The following RRBP1 variants were observed in gnomAD, a reference collection of about 807,000 sequenced individuals.
The protein encoded by RRBP1 is ribosome-binding protein 1.
A neutral mutation model predicts 165.2 loss-of-function variants in RRBP1; 94 were observed. That is an observed-to-expected ratio of 0.57 (90% CI 0.48 to 0.68). The LOEUF (loss-of-function observed/expected upper bound fraction) is 0.68, where lower values mean the gene tolerates loss of function less well. Ranked by LOEUF, RRBP1 falls within the 30% of genes least tolerant of loss-of-function variation. The probability of loss-of-function intolerance (pLI) is 0.00; values close to 1 mark genes in which losing one functional copy is unlikely to be tolerated. For missense variants in RRBP1, 1,676 were observed against 1,763.0 expected (o/e 0.95, Z 0.88); for synonymous variants, 680 against 714.5 (o/e 0.95, Z 0.77).
chr20:17,645,900 C>T (rs1353621655), intron 3 of RRBP1, among the ~76,000 whole-genome samples: 3 of 152,166 alleles, frequency 2.0e-5, no homozygotes, highest in Middle Eastern at 3.2e-3. Context: ...CTGCGGCTAA[C>T]GCTTTGCCCA....
chr20:17,681,835 G>A (rs1053801667), intron 1 of RRBP1, among the ~76,000 whole-genome samples, 193 bp downstream of exon 1: 2 of 149,506 alleles, frequency 1.3e-5, no homozygotes, highest in East Asian at 2.0e-4. Flanking sequence ...TACGGCGCTT[G>A]CCCGGCACCC....
intron 2 of RRBP1, among the ~76,000 whole-genome samples, chr20:17,677,826 C>T (rs190174516): frequency 8.5e-4 from 127 of 150,268 alleles, no homozygotes; most frequent in Middle Eastern, 3.5e-3. Context: ...GCAACAAGAG[C>T]GAAACTTTGT....
intron 5 of RRBP1, chr20:17,641,393 C>T (rs757515420): frequency 1.1e-4 from 23 of 206,168 alleles, no homozygotes; most frequent in Non-Finnish European, 1.2e-4. Context: ...GCATAATCCT[C>T]AAGAAAACAA....
chr20:17,648,530 C>T (rs1024269328), intron 3 of RRBP1, among the ~76,000 whole-genome samples: 1 of 152,218 alleles, frequency 6.6e-6, no homozygotes, highest in African/African-American at 2.4e-5. Context: ...CGGTCACATC[C>T]GCAGCTTTAA....
intron 7 of RRBP1, 69 bp downstream of exon 7, chr20:17,635,477 G>A (rs978567172): frequency 9.3e-6 from 11 of 1,184,646 alleles, no homozygotes; most frequent in East Asian, 2.4e-5. Context: ...TGCCCTGGCC[G>A]CAGCCTCGTG....
chr20:17,644,301 T>G (rs1448724622), intron 3 of RRBP1, among the ~76,000 whole-genome samples: 32 of 152,084 alleles, frequency 2.1e-4, no homozygotes, highest in Admixed American at 2.1e-3. Flanking sequence ...AGGTCATGGG[T>G]GCCACGAAAA....
intron 21 of RRBP1, 132 bp from the exon 22 acceptor site, chr20:17,616,141 G>A: frequency 1.4e-6 from 1 of 731,288 alleles, no homozygotes; most frequent in Non-Finnish European, 2.2e-6. Context: ...CCCCTCGTTG[G>A]GGAGAGGGCA....
At position 17,613,968 on chromosome 20, in the gene RRBP1, T is replaced by C. The variant is rs1052038547; in HGVS notation, c.*214A>G. On this transcript the variant is annotated 3_prime_UTR_variant, in exon 25 of 25. Transcript: ENST00000377813. ...CGGTGGCCCGGGGCTGCGCCCAGGA[T>C]AGTGTTTATCAAATGTGACACAGGT... is the stretch of plus-strand genomic sequence containing the variant. 3 of 580,578 alleles carry C rather than the reference T, an allele frequency of 5.2e-6. No homozygotes were observed. The highest frequency in any genetic ancestry group is 9.3e-6 in the Non-Finnish European group (3 of 323,644). The allele number at this position is 580,578 out of a possible 1,614,324, so 36.0% of individuals were successfully genotyped here.
chr20:17,649,682 C>T (rs765893403), intron 3 of RRBP1, among the ~76,000 whole-genome samples: 1 of 152,122 alleles, frequency 6.6e-6, no homozygotes. Flanking sequence ...CCTTGAATAC[C>T]GTTTCCTGGG....
Position 17,660,204 on chromosome 20 carries a change from C to A in RRBP1, c.304G>T (p.Ala102Ser), listed in dbSNP as rs771322515. Residue 102 changes from alanine (A) to serine (S), a missense_variant, in exon 3 of 25, where the codon GCT becomes TCT. This residue lies in a region of RRBP1 where 392 missense variants were observed against 382.5 expected (regional missense o/e 1.02). Coordinates refer to ENST00000377813, the MANE Select transcript of RRBP1 (RefSeq NM_001365613.2). Reference protein sequence around the residue: ...VTVLLREPVRAPAVAVAPTPV... With the variant: ...VTVLLREPVRSPAVAVAPTPV... ...GTTGGAGCCACAGCCACAGCAGGAG[C>A]CCGCACTGGTTCTCGAAGGAGGACA... 3.1e-6 allele frequency: 5 copies of A among 1,613,858 alleles called. No homozygotes were observed. In the East Asian group the frequency reaches 1.1e-4, roughly 36 times the overall value.
chr20:17,671,278 A>C (rs183882549), intron 2 of RRBP1, among the ~76,000 whole-genome samples: 2 of 152,246 alleles, frequency 1.3e-5, no homozygotes, highest in African/African-American at 4.8e-5. Flanking sequence ...GTTTTCTGAG[A>C]TCTCTTCCTG....
At chr20:17,675,945 C>T (rs1428275519) in intron 2 of RRBP1, among the ~76,000 whole-genome samples, 2 of 152,206 alleles carry the variant, frequency 1.3e-5, no homozygotes, top group Admixed American at 1.3e-4. Context: ...TGCTGGCTCA[C>T]GCCTACAATC....
In RRBP1 at chr20:17,629,823, C is replaced by G. The variant is rs199715504; in HGVS notation, c.2749G>C (p.Glu917Gln). Residue 917 changes from glutamate (E) to glutamine (Q), a missense_variant and splice_region_variant, in exon 9 of 25, where the codon GAG becomes CAG. Transcript: ENST00000377813. ...KAQEQQQQMAELHSKLQSSEA... is the reference protein window; with the variant it reads ...KAQEQQQQMAQLHSKLQSSEA... ...CCGGCCCCACTGCCGCCGCCCTTAC[C>G]GGCCATCTGCTGCTGTTGCTCCTGG... The G allele has an allele frequency of 6.3e-7, 1 of 1,596,372 alleles. No homozygotes were observed. The highest frequency in any genetic ancestry group is 8.5e-7 in the Non-Finnish European group (1 of 1,177,992).
intron 3 of RRBP1, among the ~76,000 whole-genome samples, chr20:17,651,626 A>G (rs1330088418): frequency 6.6e-6 from 1 of 152,192 alleles, no homozygotes; most frequent in East Asian, 1.9e-4. Context: ...TGCCCATGTG[A>G]AGAGCACAAT....
At chr20:17,641,253 T>C (rs182927462) in intron 5 of RRBP1, among the ~76,000 whole-genome samples, 1 of 152,302 alleles carries the variant, frequency 6.6e-6, no homozygotes, top group Non-Finnish European at 1.5e-5. Context: ...CCGTTTGCTG[T>C]TCAGAGTGCA....
Position 17,642,980 on chromosome 20 carries a change from T to G in RRBP1, c.2060A>C (p.Lys687Thr). 1 of 1,613,464 alleles carries G rather than the reference T, an allele frequency of 6.2e-7. No homozygotes were observed. Among genetic ancestry groups the G allele is most frequent in the Non-Finnish European group, 8.5e-7 (1 of 1,179,576 alleles). The change falls in exon 4 of 25, where the codon AAG becomes ACG. Residue 687 changes from lysine (K) to threonine (T), a missense_variant and splice_region_variant. Physicochemically the swap from Lys to Thr is moderately conservative, Grantham distance 78. This residue lies in a region of RRBP1 where 1,184 missense variants were observed against 1,167.1 expected (regional missense o/e 1.01). Transcript: ENST00000377813. The stretch of plus-strand genomic sequence containing the variant: ...TGGCCAGCAGGAGGGTGGGCCCACC[T>G]TGTGCCAGGTGTCCTGAATGATGCC... ...KAGIIQDTWHKATQKGDPVAI... is the reference protein window; with the variant it reads ...KAGIIQDTWHTATQKGDPVAI...
Position 17,646,161 on chromosome 20 carries a change from C to A in RRBP1, c.1913-3034G>T, listed in dbSNP as rs1233236917. Among the ~76,000 whole-genome samples, 4 of 152,114 alleles carry A rather than the reference C, an allele frequency of 2.6e-5. No homozygotes were observed. The East Asian group carries it at 7.7e-4, about 29-fold the overall frequency. On this transcript the variant is annotated intron_variant, in intron 3 of 24. Coordinates refer to ENST00000377813, the MANE Select transcript of RRBP1 (RefSeq NM_001365613.2). ...CTCTCCTGAGCTGGGTGGTCCTGGG[C>A]ACGGCACTTCACCTCCAGGTGATAG...
At chr20:17,665,063 G>T (rs937016346) in intron 2 of RRBP1, among the ~76,000 whole-genome samples, 1 of 151,870 alleles carries the variant, frequency 6.6e-6, no homozygotes, top group Non-Finnish European at 1.5e-5. Flanking sequence ...ATGCACTTTA[G>T]ATATTTATTT....
rs868632020 is a variant in RRBP1 at position 17,660,218 on chromosome 20, C to T, written c.290G>A (p.Arg97Gln). 7.4e-6 allele frequency: 12 copies of T among 1,613,354 alleles called. No homozygotes were observed. The African/African-American group carries it at 8.0e-5, about 11-fold the overall frequency. ...DPAPNVTVLL[R>Q]EPVRAPAVAV... ...CACAGCAGGAGCCCGCACTGGTTCT[C>T]GAAGGAGGACAGTCACATTGGGGGC... The change falls in exon 3 of 25, where the codon CGA becomes CAA. Residue 97 changes from arginine to glutamine, a missense_variant. Coordinates refer to ENST00000377813, the MANE Select transcript of RRBP1 (RefSeq NM_001365613.2).
Sources: gnomAD v4.1 joint callset for allele counts (sites outside exome capture counted in the v4.1 genomes callset) on GRCh38, gnomAD v4.1.1 for gene constraint, gnomAD v4.1.1 regional missense constraint, MANE v1.5 for transcripts, NCBI Gene and HGNC (gene_info 2026-07-23, HGNC 2026-07-21) for gene names.